Variants in LRFN2 observed in about 807,000 individuals in gnomAD.
LRFN2 encodes leucine-rich repeat and fibronectin type-III domain-containing protein 2.
LRFN2 carries 18 observed loss-of-function variants against 37.3 expected under a neutral mutation model. The ratio of observed to expected loss-of-function variants is 0.48; its 90% CI spans 0.33 to 0.72. The LOEUF (loss-of-function observed/expected upper bound fraction) is 0.72, where lower values mean the gene tolerates loss of function less well. LRFN2 is among the 30% of genes least tolerant of loss of function. The probability of loss-of-function intolerance (pLI) is 0.02; values close to 1 mark genes in which losing one functional copy is unlikely to be tolerated. For synonymous variants in LRFN2, 556 were observed against 466.6 expected, an observed-to-expected ratio of 1.19 and a Z score of -2.47; for missense variants, 1,006 against 1,060.7, an observed-to-expected ratio of 0.95 and a Z score of 0.72.
At chr6:40,415,863 C>A (rs568402497) in intron 2 of LRFN2, among the ~76,000 whole-genome samples, 6 of 152,136 alleles carry the variant, frequency 3.9e-5, no homozygotes, top group Admixed American at 6.5e-5. Context: ...GAACAAATAG[C>A]ACTGGGTGAA....
chr6:40,409,075 T>G (rs1213099384), intron 2 of LRFN2, among the ~76,000 whole-genome samples: 1 of 152,192 alleles, frequency 6.6e-6, no homozygotes, highest in Admixed American at 6.5e-5. Context: ...CTTCATCCTA[T>G]CATCCAGGAT....
Position 40,484,974 on chromosome 6 carries a change from G to C in LRFN2, c.-18-51843C>G, listed in dbSNP as rs566224282. ...AGTTCAAATATAGAGTCAAATACTA[G>C]CCTTGACTACTGTAAGAGACCCCAA... On this transcript the variant is annotated intron_variant, in intron 1 of 2. Transcript: ENST00000338305. 2.0e-5 allele frequency among the ~76,000 whole-genome samples: 3 copies of C among 152,242 alleles called. No individual in the cohort carries two copies. The South Asian group carries it at 6.2e-4, about 32-fold the overall frequency.
chr6:40,463,286 T>G (rs1349065407), intron 1 of LRFN2, among the ~76,000 whole-genome samples: 1 of 152,234 alleles, frequency 6.6e-6, no homozygotes, highest in Non-Finnish European at 1.5e-5. Context: ...GAGCTGCCCT[T>G]GGATATCTCT....
intron 2 of LRFN2, among the ~76,000 whole-genome samples, chr6:40,398,180 A>G (rs1250547257): frequency 6.6e-6 from 1 of 151,808 alleles, no homozygotes; most frequent in African/African-American, 2.4e-5. Context: ...GTAGGAGGAC[A>G]ATCCCAGGAC....
chr6:40,467,164 T>G (rs1466413894), intron 1 of LRFN2, among the ~76,000 whole-genome samples: 1 of 97,008 alleles, frequency 1.0e-5, no homozygotes, highest in African/African-American at 3.6e-5. Flanking sequence ...GAAAGTTGAA[T>G]GAGATGATGA....
At chr6:40,473,057 G>C (rs971433436) in intron 1 of LRFN2, among the ~76,000 whole-genome samples, 2 of 152,060 alleles carry the variant, frequency 1.3e-5, no homozygotes, top group African/African-American at 4.8e-5. Context: ...CTGCCTCTCG[G>C]GATCCAGCTC....
intron 1 of LRFN2, among the ~76,000 whole-genome samples, chr6:40,469,657 C>G (rs1035684415): frequency 8.5e-5 from 13 of 152,166 alleles, no homozygotes; most frequent in Admixed American, 4.6e-4. Context: ...GGAGGATGGA[C>G]AGAGAACCAG....
intron 1 of LRFN2, among the ~76,000 whole-genome samples, chr6:40,558,079 C>T (rs1247780101): frequency 6.6e-6 from 1 of 152,120 alleles, no homozygotes; most frequent in African/African-American, 2.4e-5. Context: ...ACTCCACGCA[C>T]GTGAAGGAGT....
intron 1 of LRFN2, among the ~76,000 whole-genome samples, chr6:40,442,445 G>GT (rs1233370553): frequency 6.6e-6 from 1 of 152,210 alleles, no homozygotes; most frequent in Non-Finnish European, 1.5e-5. Flanking sequence ...AGACTTGACA[G>GT]TTACTGCAGG....
intron 1 of LRFN2, among the ~76,000 whole-genome samples, chr6:40,572,967 C>T (rs952138697): frequency 6.6e-6 from 1 of 152,206 alleles, no homozygotes; most frequent in Non-Finnish European, 1.5e-5. Context: ...TCCTGCCAAA[C>T]CTGCTGCCTG....
intron 1 of LRFN2, among the ~76,000 whole-genome samples, 171 bp downstream of exon 1, chr6:40,586,770 G>C (rs1044977051): frequency 6.6e-6 from 1 of 152,224 alleles, no homozygotes; most frequent in African/African-American, 2.4e-5. Flanking sequence ...CTCGCGATAA[G>C]GATGGGCGAA....
intron 1 of LRFN2, among the ~76,000 whole-genome samples, chr6:40,495,785 C>T (rs908823034): frequency 6.6e-6 from 1 of 152,218 alleles, no homozygotes; most frequent in African/African-American, 2.4e-5. Context: ...ACCCTCTTCT[C>T]TTCTGTGTCT....
chr6:40,520,128 G>C (rs1238584013), intron 1 of LRFN2, among the ~76,000 whole-genome samples: 1 of 152,170 alleles, frequency 6.6e-6, no homozygotes, highest in Non-Finnish European at 1.5e-5. Flanking sequence ...ACCCCTTAAG[G>C]ATTTTACGTA....
intron 2 of LRFN2, among the ~76,000 whole-genome samples, chr6:40,401,222 CT>C (rs1264025428): frequency 6.6e-5 from 10 of 152,194 alleles, no homozygotes; most frequent in African/African-American, 2.4e-4. Context: ...CACTCTCCCC[CT>C]CTCTCATGGC....
intron 2 of LRFN2, among the ~76,000 whole-genome samples, chr6:40,398,425 C>G (rs12660122): frequency 0.12 from 18,925 of 151,826 alleles, 1,565 homozygotes; most frequent in South Asian, 0.27. Context: ...TGCTGCTGCT[C>G]TGCATGGCTG....
intron 1 of LRFN2, among the ~76,000 whole-genome samples, chr6:40,561,260 G>A (rs796494836): frequency 1.2e-4 from 18 of 152,326 alleles, no homozygotes; most frequent in African/African-American, 4.1e-4. Flanking sequence ...ACAGAGCTGT[G>A]TGGGGTGCAG....
intron 2 of LRFN2, among the ~76,000 whole-genome samples, chr6:40,413,160 T>C (rs1763010506): frequency 6.6e-6 from 1 of 152,048 alleles, no homozygotes; most frequent in African/African-American, 2.4e-5. Context: ...TGGTGAGTGA[T>C]TTACCGCTGC....
At chr6:40,492,521 C>T (rs1280947058) in intron 1 of LRFN2, among the ~76,000 whole-genome samples, 1 of 152,210 alleles carries the variant, frequency 6.6e-6, no homozygotes, top group African/African-American at 2.4e-5. Context: ...TTCCTTGGAG[C>T]CGGTTGTTTC....
chr6:40,500,094 C>T (rs1246118144), intron 1 of LRFN2, among the ~76,000 whole-genome samples: 1 of 152,258 alleles, frequency 6.6e-6, no homozygotes, highest in African/African-American at 2.4e-5. Context: ...CTCTTAGCCT[C>T]CACGACTGCA....
Sources: gnomAD v4.1 joint callset for allele counts (sites outside exome capture counted in the v4.1 genomes callset) on GRCh38, gnomAD v4.1.1 for gene constraint, MANE v1.5 for transcripts, NCBI Gene and HGNC (gene_info 2026-07-23, HGNC 2026-07-21) for gene names.